Variants in MTHFD1L observed in about 807,000 individuals in gnomAD.
MTHFD1L encodes monofunctional C1-tetrahydrofolate synthase, mitochondrial.
A neutral mutation model predicts 119.5 loss-of-function variants in MTHFD1L; 81 were observed. The observed-to-expected ratio is 0.68, with a 90% CI of 0.57 to 0.82. The LOEUF (loss-of-function observed/expected upper bound fraction) is 0.82. Ranked by LOEUF, MTHFD1L falls within the 40% of genes least tolerant of loss-of-function variation. The pLI is 0.00. For synonymous variants in MTHFD1L, 430 were observed against 475.2 expected (o/e 0.90, Z 1.24); for missense variants, 1,125 against 1,253.4 (o/e 0.90, Z 1.55).
At chr6:150,962,896 T>G (rs1796637856) in intron 18 of MTHFD1L, among the ~76,000 whole-genome samples, 1 of 149,026 alleles carries the variant, frequency 6.7e-6, no homozygotes, top group Non-Finnish European at 1.5e-5. Context: ...CCTGAAGATT[T>G]CTTTTTTCTT....
At chr6:150,930,743 A>G (rs1232819461) in intron 11 of MTHFD1L, among the ~76,000 whole-genome samples, 1 of 152,010 alleles carries the variant, frequency 6.6e-6, no homozygotes, top group Non-Finnish European at 1.5e-5. Context: ...TTTATATAGA[A>G]ATGTGATTTA....
At chr6:150,900,021 A>C (rs564690263) in intron 7 of MTHFD1L, among the ~76,000 whole-genome samples, 2 of 148,176 alleles carry the variant, frequency 1.3e-5, no homozygotes, top group African/African-American at 4.9e-5. Flanking sequence ...TATATTATAT[A>C]TTTATATTTT....
At chr6:150,908,894 TAAAAA>T (rs1469242423) in intron 8 of MTHFD1L, among the ~76,000 whole-genome samples, 2 of 152,096 alleles carry the variant, frequency 1.3e-5, no homozygotes, top group African/African-American at 2.4e-5. Flanking sequence ...TTTGAAATAT[TAAAAA>T]GAAAAGAGCT....
intron 24 of MTHFD1L, among the ~76,000 whole-genome samples, chr6:151,020,054 C>G (rs950292252): frequency 2.6e-5 from 4 of 152,336 alleles, no homozygotes; most frequent in South Asian, 2.1e-4. Context: ...ATATGACACT[C>G]TCCCACCTTT....
intron 26 of MTHFD1L, among the ~76,000 whole-genome samples, chr6:151,047,582 A>C (rs1192956899): frequency 6.6e-6 from 1 of 152,280 alleles, no homozygotes; most frequent in Non-Finnish European, 1.5e-5. Flanking sequence ...AGGTACCGTG[A>C]TCTGTTAAGG....
intron 16 of MTHFD1L, among the ~76,000 whole-genome samples, chr6:150,952,030 G>C (rs1214653744): frequency 6.6e-6 from 1 of 152,150 alleles, no homozygotes; most frequent in Non-Finnish European, 1.5e-5. Context: ...GGAAGAGAAA[G>C]GCTACATCAT....
At chr6:150,966,206 T>G (rs978260821) in intron 19 of MTHFD1L, among the ~76,000 whole-genome samples, 3 of 152,100 alleles carry the variant, frequency 2.0e-5, no homozygotes, top group African/African-American at 7.2e-5. Flanking sequence ...TTGGTTTAAT[T>G]GGCTCACAGT....
chr6:150,955,416 A>G (rs1038483757), intron 16 of MTHFD1L, among the ~76,000 whole-genome samples: 6 of 151,058 alleles, frequency 4.0e-5, no homozygotes, highest in Non-Finnish European at 7.4e-5. Context: ...TAGTGCTGCT[A>G]TGAACATGGG....
At chr6:151,070,094 A>C (rs1477435353) in intron 26 of MTHFD1L, among the ~76,000 whole-genome samples, 1 of 152,154 alleles carries the variant, frequency 6.6e-6, no homozygotes, top group East Asian at 1.9e-4. Context: ...TCACGTCTCC[A>C]AGAACTCGGG....
intron 11 of MTHFD1L, among the ~76,000 whole-genome samples, chr6:150,933,646 G>A (rs1235803726): frequency 6.6e-6 from 1 of 152,060 alleles, no homozygotes; most frequent in Non-Finnish European, 1.5e-5. Context: ...CCTTGTTGCT[G>A]AATCCACCGA....
chr6:150,890,601 G>C (rs547811117), intron 7 of MTHFD1L, among the ~76,000 whole-genome samples: 1 of 152,170 alleles, frequency 6.6e-6, no homozygotes, highest in Non-Finnish European at 1.5e-5. Flanking sequence ...TCCCGAGTTC[G>C]TGCTGGTGTA....
At chr6:150,922,446 T>A in intron 10 of MTHFD1L, 144 bp downstream of exon 10, 1 of 522,228 alleles carries the variant, frequency 1.9e-6, no homozygotes, top group East Asian at 2.8e-5. Flanking sequence ...CACCCTATTT[T>A]CTCTATTGTA....
intron 24 of MTHFD1L, among the ~76,000 whole-genome samples, chr6:151,017,099 G>A (rs539478731): frequency 2.6e-5 from 4 of 151,858 alleles, no homozygotes; most frequent in African/African-American, 2.4e-5. Flanking sequence ...TTAAGTGCAC[G>A]TCAGTAGTGT....
At chr6:151,073,434 A>C (rs1227285230) in intron 26 of MTHFD1L, among the ~76,000 whole-genome samples, 1 of 152,226 alleles carries the variant, frequency 6.6e-6, no homozygotes, top group Non-Finnish European at 1.5e-5. Flanking sequence ...GGGTCTTGCC[A>C]GACATCCAAT....
chr6:151,080,549 C>A (rs181939323), intron 26 of MTHFD1L, among the ~76,000 whole-genome samples: 1 of 152,122 alleles, frequency 6.6e-6, no homozygotes, highest in Non-Finnish European at 1.5e-5. Flanking sequence ...AGGAGTCTTT[C>A]GGTCCAGGAA....
intron 20 of MTHFD1L, among the ~76,000 whole-genome samples, chr6:151,006,802 G>A (rs1211695564): frequency 6.6e-6 from 1 of 151,954 alleles, no homozygotes; most frequent in Non-Finnish European, 1.5e-5. Context: ...AATCTAACAG[G>A]GTAGTTTAAC....
intron 8 of MTHFD1L, 43 bp from the exon 9 acceptor site, chr6:150,918,534 A>T (rs1162110612): frequency 7.6e-7 from 1 of 1,317,428 alleles, no homozygotes; most frequent in East Asian, 2.3e-5. Context: ...GTTAGAAATG[A>T]CAGTGTACTG....
In MTHFD1L at chr6:150,912,321, A is replaced by G. The variant is rs58855922; in HGVS notation, c.893-6256A>G. Among the ~76,000 whole-genome samples the G allele has an allele frequency of 1.9e-3, 277 of 149,266 alleles. 1 individual carries two copies. Among genetic ancestry groups the G allele is most frequent in the African/African-American group, 6.6e-3 (267 of 40,352 alleles). Reference sequence around the variant, plus strand: ...TTTTTGTTTTTTTTTTTCAAGTTCTACCTGTACTGATTTCTAATTTTTAGC... The same window carrying G: ...TTTTTGTTTTTTTTTTTCAAGTTCTGCCTGTACTGATTTCTAATTTTTAGC... On this transcript the variant is annotated intron_variant, in intron 8 of 27. Coordinates refer to ENST00000367321, the MANE Select transcript of MTHFD1L (RefSeq NM_015440.5).
intron 8 of MTHFD1L, among the ~76,000 whole-genome samples, chr6:150,907,973 C>T (rs889747419): frequency 2.0e-5 from 3 of 150,806 alleles, no homozygotes; most frequent in African/African-American, 7.3e-5. Context: ...TCTTGGCTCA[C>T]TGCAACCTCC....
Sources: gnomAD v4.1 joint callset for allele counts (sites outside exome capture counted in the v4.1 genomes callset) on GRCh38, gnomAD v4.1.1 for gene constraint, MANE v1.5 for transcripts, NCBI Gene and HGNC (gene_info 2026-07-23, HGNC 2026-07-21) for gene names.